Variants in CSMD1 observed in about 807,000 individuals in gnomAD.
CSMD1 encodes the protein CUB and Sushi multiple domains 1.
In CSMD1, 213 loss-of-function variants were observed where a neutral mutation model predicts 417.5. The ratio of observed to expected loss-of-function variants is 0.51; its 90% CI spans 0.46 to 0.57. The LOEUF is 0.57. Ranked by LOEUF, CSMD1 falls within the 20% of genes least tolerant of loss-of-function variation. The pLI is 0.00. For synonymous variants in CSMD1, 2,862 were observed against 1,736.8 expected (o/e 1.65, Z -16.11); for missense variants, 6,923 against 4,529.7 (o/e 1.53, Z -15.17).
At chr8:3,869,854 A>T (rs1295463186) in intron 5 of CSMD1, among the ~76,000 whole-genome samples, 3 of 151,896 alleles carry the variant, frequency 2.0e-5, no homozygotes, top group Non-Finnish European at 4.4e-5. Flanking sequence ...TGCTTTTATG[A>T]ATTATCCTTA....
At chr8:4,548,349 C>T (rs1334565523) in intron 2 of CSMD1, among the ~76,000 whole-genome samples, 1 of 152,066 alleles carries the variant, frequency 6.6e-6, no homozygotes, top group Non-Finnish European at 1.5e-5. Flanking sequence ...GAAGCAAATA[C>T]TCTATCGTAT....
intron 3 of CSMD1, among the ~76,000 whole-genome samples, chr8:4,340,467 C>G (rs35560464): frequency 0.094 from 14,276 of 152,052 alleles, 829 homozygotes; most frequent in South Asian, 0.22. Flanking sequence ...ATGGGTCTGT[C>G]TAGGGGTGAT....
At chr8:4,967,625 T>C (rs1419688365) in intron 1 of CSMD1, among the ~76,000 whole-genome samples, 1 of 152,208 alleles carries the variant, frequency 6.6e-6, no homozygotes, top group Non-Finnish European at 1.5e-5. Flanking sequence ...TTCGGTTCTA[T>C]GTTCAGTTCT....
At chr8:4,441,783 G>T (rs181224241) in intron 2 of CSMD1, among the ~76,000 whole-genome samples, 2 of 152,050 alleles carry the variant, frequency 1.3e-5, no homozygotes, top group Non-Finnish European at 2.9e-5. Flanking sequence ...AATCTTGGGT[G>T]TATCACAAGA....
intron 1 of CSMD1, among the ~76,000 whole-genome samples, chr8:4,829,600 G>A (rs1299993197): frequency 6.6e-6 from 1 of 151,980 alleles, no homozygotes. Context: ...AATTAGCTGG[G>A]CACAGTGGTC....
chr8:3,053,832 G>C (rs1446916679), intron 49 of CSMD1, among the ~76,000 whole-genome samples: 1 of 152,132 alleles, frequency 6.6e-6, no homozygotes, highest in Non-Finnish European at 1.5e-5. Context: ...TAAAAGAAAA[G>C]TTCTATGGTA....
rs184616849 is a variant in CSMD1 at position 3,737,203 on chromosome 8, C to G, written c.931+16727G>C. On this transcript the variant is annotated intron_variant, in intron 6 of 69. Coordinates refer to ENST00000635120, the MANE Select transcript of CSMD1 (RefSeq NM_033225.6). Reference sequence around the variant, plus strand: ...TACCCTAATCACAAACAATGACTATCGGGAGAAATTATCATTGATTTTTTG... The same window carrying G: ...TACCCTAATCACAAACAATGACTATGGGGAGAAATTATCATTGATTTTTTG... Among the ~76,000 whole-genome samples the G allele has an allele frequency of 2.7e-5, 4 of 148,140 alleles. No individual in the cohort carries two copies. The East Asian group carries it at 5.9e-4, about 22-fold the overall frequency.
intron 3 of CSMD1, among the ~76,000 whole-genome samples, chr8:4,034,031 A>G (rs367710016): frequency 2.2e-4 from 34 of 152,344 alleles, no homozygotes; most frequent in African/African-American, 7.0e-4. Context: ...TGTATTTCCA[A>G]TTGAACAGAA....
At chr8:3,710,639 G>C (rs753627506) in intron 6 of CSMD1, among the ~76,000 whole-genome samples, 104 of 152,050 alleles carry the variant, frequency 6.8e-4, no homozygotes, top group Non-Finnish European at 9.4e-4. Context: ...TGGAGACCAT[G>C]CCTCTTGGAC....
intron 7 of CSMD1, among the ~76,000 whole-genome samples, chr8:3,624,096 T>C (rs922798): frequency 6.6e-6 from 1 of 152,052 alleles, no homozygotes; most frequent in Non-Finnish European, 1.5e-5. Flanking sequence ...AAAAACTTAT[T>C]TTTATTTCTT....
At chr8:4,324,563 A>T (rs17413763) in intron 3 of CSMD1, among the ~76,000 whole-genome samples, 1 of 152,008 alleles carries the variant, frequency 6.6e-6, no homozygotes, top group Non-Finnish European at 1.5e-5. Context: ...GCCAGGGAAT[A>T]ATTTCAAAGG....
chr8:3,914,960 T>C (rs189102276), intron 5 of CSMD1, among the ~76,000 whole-genome samples: 85 of 152,298 alleles, frequency 5.6e-4, no homozygotes, highest in Non-Finnish European at 2.4e-4. Context: ...CAAAACAGTA[T>C]TGCAGTGTGA....
At chr8:4,155,236 G>A (rs1171259875) in intron 3 of CSMD1, among the ~76,000 whole-genome samples, 1 of 152,184 alleles carries the variant, frequency 6.6e-6, no homozygotes, top group Non-Finnish European at 1.5e-5. Flanking sequence ...TCACGCAAAT[G>A]TTGAAAAGGG....
chr8:4,891,691 T>G (rs1465400478), intron 1 of CSMD1, among the ~76,000 whole-genome samples: 1 of 152,122 alleles, frequency 6.6e-6, no homozygotes, highest in Non-Finnish European at 1.5e-5. Flanking sequence ...GGGCTTATAT[T>G]AATGCATACA....
chr8:3,342,202 C>T (rs1466303490), intron 23 of CSMD1, among the ~76,000 whole-genome samples: 3 of 152,152 alleles, frequency 2.0e-5, no homozygotes, highest in African/African-American at 7.2e-5. Context: ...TGGCCAAAGT[C>T]TTACAATTCT....
intron 46 of CSMD1, among the ~76,000 whole-genome samples, chr8:3,100,037 T>C (rs1815616637): frequency 8.1e-6 from 1 of 123,168 alleles, no homozygotes; most frequent in Non-Finnish European, 1.7e-5. Flanking sequence ...TGAGGTTTGG[T>C]TTTGTTTTTT....
intron 52 of CSMD1, among the ~76,000 whole-genome samples, chr8:3,007,471 C>T (rs867523851): frequency 6.3e-4 from 96 of 151,328 alleles, no homozygotes; most frequent in Middle Eastern, 3.4e-3. Flanking sequence ...CACATGCACA[C>T]GTATGTTTAT....
intron 5 of CSMD1, among the ~76,000 whole-genome samples, chr8:3,907,831 C>A (rs1329952477): frequency 1.3e-5 from 2 of 152,318 alleles, no homozygotes; most frequent in East Asian, 3.9e-4. Flanking sequence ...CGTAGTTCTT[C>A]TCATCATCAA....
intron 2 of CSMD1, among the ~76,000 whole-genome samples, chr8:4,452,717 C>G (rs1799223371): frequency 6.6e-6 from 1 of 152,046 alleles, no homozygotes; most frequent in African/African-American, 2.4e-5. Context: ...ACATTTAAAT[C>G]AACACGGACA....
Sources: gnomAD v4.1 joint callset for allele counts (sites outside exome capture counted in the v4.1 genomes callset) on GRCh38, gnomAD v4.1.1 for gene constraint, MANE v1.5 for transcripts, NCBI Gene and HGNC (gene_info 2026-07-23, HGNC 2026-07-21) for gene names.